Variants in INTS6L observed in about 807,000 individuals in gnomAD.
The protein encoded by INTS6L is integrator complex subunit 6 like, also known as integrator complex subunit 6-like.
Under a neutral mutation model 64.7 loss-of-function variants are expected in INTS6L, and 18 were observed. The observed-to-expected ratio is 0.28, with a 90% confidence interval of 0.19 to 0.41. INTS6L has a LOEUF of 0.41. Among genes scored for constraint, INTS6L ranks in the 10% least tolerant of loss-of-function variants. The probability of loss-of-function intolerance (pLI) is 1.00; values close to 1 mark genes in which losing one functional copy is unlikely to be tolerated. For missense variants in INTS6L, 533 were observed against 661.0 expected, an observed-to-expected ratio of 0.81 and a Z score of 2.12; for synonymous variants, 227 against 235.9, an observed-to-expected ratio of 0.96 and a Z score of 0.34.
chrX:135,546,483 T>C lies in INTS6L; in HGVS notation c.429+14T>C, dbSNP rs2086359065. The C allele has an allele frequency of 1.8e-6, 2 of 1,125,834 alleles. No individual in the cohort carries two copies. Among genetic ancestry groups the C allele is most frequent in the South Asian group, 4.3e-5 (2 of 46,198 alleles). 92.8% of individuals were successfully genotyped at this position (1,125,834 alleles called of 1,213,427 possible). A position where few individuals can be genotyped will look rare whatever the true frequency, so the allele number is the denominator to read the frequency against. On this transcript the variant is annotated intron_variant, in intron 4 of 17. Transcript: ENST00000639893. ...GTTCAAGAAGAGGTGAGATTTTATT[T>C]TTTTTTTAATTTTGTTTAAATGGCA...
intron 2 of INTS6L, among the ~76,000 whole-genome samples, chrX:135,545,179 A>G (rs1460539291): frequency 8.9e-6 from 1 of 112,290 alleles, no homozygotes; most frequent in Admixed American, 9.5e-5. Flanking sequence ...CTCTTGAGCC[A>G]CAGTCCTTCA....
chrX:135,547,864 C>T (rs2086395831), intron 6 of INTS6L, among the ~76,000 whole-genome samples: 2 of 110,991 alleles, frequency 1.8e-5, no homozygotes, highest in Admixed American at 1.9e-4. Flanking sequence ...GAAGTTAAAT[C>T]GTAGTGAATC....
At chrX:135,568,165 T>C (rs1304570875) in intron 9 of INTS6L, among the ~76,000 whole-genome samples, 2 of 111,647 alleles carry the variant, frequency 1.8e-5, no homozygotes, top group African/African-American at 3.2e-5. Flanking sequence ...AAAATGTTTT[T>C]TTCTTACACT....
chrX:135,569,220 T>C (rs782568167), intron 9 of INTS6L, 117 bp from the exon 10 acceptor site: 2 of 363,921 alleles, frequency 5.5e-6, no homozygotes, highest in African/African-American at 5.3e-5. Context: ...GATAATCAAA[T>C]AAACGCCAAT....
chrX:135,555,731 C>T (rs1384994256), intron 8 of INTS6L, among the ~76,000 whole-genome samples: 1 of 111,523 alleles, frequency 9.0e-6, no homozygotes, highest in Non-Finnish European at 1.9e-5. Flanking sequence ...CTCTGTCACC[C>T]AGGGTGGAGC....
chrX:135,529,300 G>A (rs144094544), intron 2 of INTS6L, among the ~76,000 whole-genome samples: 29 of 111,991 alleles, frequency 2.6e-4, no homozygotes, highest in East Asian at 1.7e-3. Context: ...GTTTGTCATA[G>A]TGTAAAACTT....
chrX:135,556,576 G>C lies in INTS6L; in HGVS notation c.1192+276G>C. Reference sequence around the variant, plus strand: ...CAATCCCCAGTTTGAAGTGCACTTGGCTTTTTTGTATAGTTTGGGCCAAAA... The same window carrying C: ...CAATCCCCAGTTTGAAGTGCACTTGCCTTTTTTGTATAGTTTGGGCCAAAA... On this transcript the variant is annotated intron_variant, in intron 9 of 17. Coordinates refer to ENST00000639893, the MANE Select transcript of INTS6L (RefSeq NM_001351601.3). Among the ~76,000 whole-genome samples the C allele has an allele frequency of 1.8e-5, 2 of 111,640 alleles. 1 individual carries two copies. Among genetic ancestry groups the C allele is most frequent in the Middle Eastern group, 9.2e-3 (2 of 217 alleles).
chrX:135,565,675 T>C (rs2086928903), intron 9 of INTS6L, among the ~76,000 whole-genome samples: 1 of 111,768 alleles, frequency 8.9e-6, no homozygotes, highest in Non-Finnish European at 1.9e-5. Context: ...CTTCTGGATG[T>C]TTCAAGAGTG....
At chrX:135,558,243 T>C (rs2086691760) in intron 9 of INTS6L, among the ~76,000 whole-genome samples, 1 of 111,689 alleles carries the variant, frequency 9.0e-6, no homozygotes, top group Non-Finnish European at 1.9e-5. Flanking sequence ...CAGATAGAAG[T>C]ACCTCAAAAA....
intron 2 of INTS6L, among the ~76,000 whole-genome samples, chrX:135,527,893 A>AT (rs1426769092): frequency 1.8e-5 from 2 of 110,014 alleles, no homozygotes; most frequent in Non-Finnish European, 3.8e-5. Context: ...AAGGGCAGAT[A>AT]TTTTTTCTTT....
chrX:135,537,566 AC>A (rs1602851110), intron 2 of INTS6L, among the ~76,000 whole-genome samples: 2 of 111,877 alleles, frequency 1.8e-5, no homozygotes, highest in African/African-American at 6.5e-5. Flanking sequence ...CTTACTCTAG[AC>A]CACTTGCCAA....
At chrX:135,559,308 T>C (rs782736994) in intron 9 of INTS6L, among the ~76,000 whole-genome samples, 1 of 111,749 alleles carries the variant, frequency 8.9e-6, no homozygotes, top group African/African-American at 3.3e-5. Context: ...ACCCATCCCC[T>C]CCTTAACCAC....
chrX:135,573,873 T>G, intron 12 of INTS6L, 66 bp from the exon 13 acceptor site: 1 of 1,082,093 alleles, frequency 9.2e-7, no homozygotes, highest in Non-Finnish European at 1.2e-6. Context: ...TTAAGAGAGA[T>G]AAGTATGACA....
Position 135,520,687 on chromosome X carries a change from C to T in INTS6L, c.-306C>T, listed in dbSNP as rs2085510565. The T allele has an allele frequency of 1.3e-5, 4 of 306,466 alleles. No homozygotes were observed. The highest frequency in any genetic ancestry group is 5.8e-6 in the Non-Finnish European group (1 of 173,234). The allele number at this position is 306,466 out of a possible 1,213,427, so 25.3% of individuals were successfully genotyped here. A position where few individuals can be genotyped will look rare whatever the true frequency, so the allele number is the denominator to read the frequency against. On this transcript the variant is annotated 5_prime_UTR_variant, in exon 1 of 18. Transcript: ENST00000639893. ...TCTGGGGCGAGCGCTCTAGTGAGCG[C>T]GGACGGATGCTTAGGCAGTAGTCCT...
At position 135,552,165 on chromosome X, in the gene INTS6L, T is replaced by C. The variant is rs782049870; in HGVS notation, c.1059+19T>C. 4 of 1,151,678 alleles carry C rather than the reference T, an allele frequency of 3.5e-6. No individual in the cohort carries two copies. In the South Asian group the frequency reaches 8.8e-5, roughly 25 times the overall value. The allele number at this position is 1,151,678 out of a possible 1,213,427, so 94.9% of individuals were successfully genotyped here. A position where few individuals can be genotyped will look rare whatever the true frequency, so the allele number is the denominator to read the frequency against. Reference sequence around the variant, plus strand: ...CTGGCAGGTACTTATCCTTACCTATTAGCTAAATGTCTGTAACCACTCTAG... The same window carrying C: ...CTGGCAGGTACTTATCCTTACCTATCAGCTAAATGTCTGTAACCACTCTAG... On this transcript the variant is annotated intron_variant, in intron 8 of 17. Transcript: ENST00000639893.
At chrX:135,559,388 T>A (rs1330174745) in intron 9 of INTS6L, among the ~76,000 whole-genome samples, 5 of 112,184 alleles carry the variant, frequency 4.5e-5, no homozygotes, top group Non-Finnish European at 9.4e-5. Context: ...AATGGAACCA[T>A]TCAGTATGTA....
rs1556534523 is a variant in INTS6L at position 135,581,554 on chromosome X, A to G, written c.2615A>G (p.Tyr872Cys). 1.7e-6 allele frequency: 2 copies of G among 1,209,197 alleles called. No homozygotes were observed. Among genetic ancestry groups the G allele is most frequent in the Admixed American group, 4.4e-5 (2 of 45,811 alleles). Residue 872 changes from tyrosine to cysteine, a missense_variant, in exon 18 of 18, where the codon TAC becomes TGC. By Grantham distance (194) the Tyr-to-Cys change is radical. Coordinates refer to ENST00000639893, the MANE Select transcript of INTS6L (RefSeq NM_001351601.3). ...TTTAAAAGACGAGTCCTAATTCAGT[A>G]CCTTGAGAAGGTACTAGAAAAAATA... ...ARFKRRVLIQYLEKVLEKINS... is the reference protein window; with the variant it reads ...ARFKRRVLIQCLEKVLEKINS...
intron 9 of INTS6L, among the ~76,000 whole-genome samples, chrX:135,562,120 T>G (rs916084559): frequency 9.0e-6 from 1 of 111,482 alleles, no homozygotes; most frequent in Admixed American, 9.6e-5. Flanking sequence ...CTTTTCCTCT[T>G]TTCTATTGTA....
At chrX:135,535,465 A>G (rs1450353962) in intron 2 of INTS6L, among the ~76,000 whole-genome samples, 2 of 112,265 alleles carry the variant, frequency 1.8e-5, no homozygotes, top group African/African-American at 6.5e-5. Context: ...AAAGACCAAG[A>G]GAAAAGTCAT....
Sources: gnomAD v4.1 joint callset for allele counts (sites outside exome capture counted in the v4.1 genomes callset) on GRCh38, gnomAD v4.1.1 for gene constraint, MANE v1.5 for transcripts, NCBI Gene and HGNC (gene_info 2026-07-23, HGNC 2026-07-21) for gene names.